SEPTIN7: variants seen among roughly 807,000 people sequenced by gnomAD.
SEPTIN7 encodes septin-7.
In SEPTIN7, 10 loss-of-function variants were observed where a neutral mutation model predicts 63.3. The observed-to-expected ratio is 0.16, with a 90% CI of 0.10 to 0.27. The LOEUF (loss-of-function observed/expected upper bound fraction) is 0.27, where lower values mean the gene tolerates loss of function less well. Ranked by LOEUF, SEPTIN7 falls within the 10% of genes least tolerant of loss-of-function variation. The pLI, the probability that SEPTIN7 is intolerant of heterozygous loss-of-function variation, is 1.00. For synonymous variants in SEPTIN7, 131 were observed against 165.3 expected, an observed-to-expected ratio of 0.79 and a Z score of 1.59; for missense variants, 310 against 521.0, an observed-to-expected ratio of 0.59 and a Z score of 3.94.
At chr7:35,881,313 G>A (rs1786863012) in intron 7 of SEPTIN7, among the ~76,000 whole-genome samples, 1 of 151,342 alleles carries the variant, frequency 6.6e-6, no homozygotes, top group South Asian at 2.1e-4. Flanking sequence ...GTTTCGATTT[G>A]GATTTTTACT....
chr7:35,890,571 T>A (rs902105743), intron 10 of SEPTIN7, 97 bp from the exon 11 acceptor site: 8 of 1,088,812 alleles, frequency 7.3e-6, no homozygotes, highest in Non-Finnish European at 9.6e-6. Context: ...TCTGAAATTT[T>A]TGTTTTGGTA....
chr7:35,884,194 G>A (rs1343887604), intron 9 of SEPTIN7, among the ~76,000 whole-genome samples: 1 of 152,106 alleles, frequency 6.6e-6, no homozygotes, highest in Admixed American at 6.6e-5. Context: ...TCAGGCAAGT[G>A]TGTGTTAAGT....
chr7:35,803,871 T>A (rs1204770972), intron 1 of SEPTIN7, among the ~76,000 whole-genome samples: 3 of 152,240 alleles, frequency 2.0e-5, no homozygotes, highest in African/African-American at 7.2e-5. Flanking sequence ...TACTGTTAAA[T>A]GTAGACCATT....
intron 5 of SEPTIN7, 134 bp downstream of exon 5, chr7:35,872,900 G>T (rs1786242430): frequency 1.6e-6 from 1 of 619,286 alleles, no homozygotes; most frequent in African/African-American, 1.8e-5. Flanking sequence ...ACTTGGGTTT[G>T]TATACCAACT....
intron 1 of SEPTIN7, among the ~76,000 whole-genome samples, chr7:35,826,432 C>T (rs1430550019): frequency 1.3e-5 from 2 of 150,374 alleles, no homozygotes; most frequent in African/African-American, 2.4e-5. Flanking sequence ...CAAAGGGAGG[C>T]AGATTGGAGT....
At chr7:35,815,171 C>G in intron 1 of SEPTIN7, 1 of 446,384 alleles carries the variant, frequency 2.2e-6, no homozygotes. Flanking sequence ...TCTAGTTCAT[C>G]TTGTATTTTT....
intron 8 of SEPTIN7, among the ~76,000 whole-genome samples, chr7:35,883,409 G>A: frequency 6.6e-6 from 1 of 152,240 alleles, no homozygotes; most frequent in South Asian, 2.1e-4. Flanking sequence ...GTGAAGGGCT[G>A]AACATGGATG....
At chr7:35,838,840 G>T (rs1784265259) in intron 3 of SEPTIN7, among the ~76,000 whole-genome samples, 1 of 152,110 alleles carries the variant, frequency 6.6e-6, no homozygotes, top group Non-Finnish European at 1.5e-5. Context: ...AAGTTGTGAG[G>T]CAGGAATCTG....
intron 3 of SEPTIN7, among the ~76,000 whole-genome samples, chr7:35,837,096 A>G (rs1325666237): frequency 1.3e-5 from 2 of 152,192 alleles, no homozygotes; most frequent in Admixed American, 1.3e-4. Context: ...AATTTTGTAC[A>G]TTCCTTCTAG....
At chr7:35,801,602 C>T (rs1460230495) in intron 1 of SEPTIN7, among the ~76,000 whole-genome samples, 1 of 152,152 alleles carries the variant, frequency 6.6e-6, no homozygotes, top group Non-Finnish European at 1.5e-5. Flanking sequence ...CCTTGCTTCT[C>T]TCCGTCCCTT....
At chr7:35,838,863 T>A (rs892198650) in intron 3 of SEPTIN7, among the ~76,000 whole-genome samples, 1 of 152,244 alleles carries the variant, frequency 6.6e-6, no homozygotes, top group African/African-American at 2.4e-5. Context: ...GTTTATTTTT[T>A]AAATGGTTGA....
intron 1 of SEPTIN7, among the ~76,000 whole-genome samples, chr7:35,813,527 C>T (rs1278307782): frequency 3.3e-5 from 5 of 152,154 alleles, no homozygotes; most frequent in Admixed American, 2.6e-4. Flanking sequence ...GCGTGTGCCA[C>T]CATGCCTGGC....
chr7:35,853,490 A>C (rs995179057), intron 3 of SEPTIN7, among the ~76,000 whole-genome samples: 2 of 152,164 alleles, frequency 1.3e-5, no homozygotes, highest in African/African-American at 2.4e-5. Flanking sequence ...GCCTGCTCAG[A>C]GTCTGGGAAG....
intron 3 of SEPTIN7, among the ~76,000 whole-genome samples, chr7:35,860,337 G>A (rs956108189): frequency 2.6e-5 from 4 of 151,930 alleles, no homozygotes; most frequent in African/African-American, 9.7e-5. Flanking sequence ...ATTTTTTAAT[G>A]CATTCGCCTT....
chr7:35,878,057 C>T (rs1047441178), intron 6 of SEPTIN7, among the ~76,000 whole-genome samples: 33 of 152,082 alleles, frequency 2.2e-4, no homozygotes, highest in Admixed American at 1.3e-3. Context: ...CTATTCTATG[C>T]GTATTGCTTG....
At chr7:35,832,151 A>G (rs1404611718) in intron 2 of SEPTIN7, 4 of 452,878 alleles carry the variant, frequency 8.8e-6, no homozygotes, top group South Asian at 4.7e-5. Flanking sequence ...AAATGAAGTT[A>G]TAAGTTACTT....
chr7:35,836,065 G>A (rs1784073346), intron 3 of SEPTIN7, among the ~76,000 whole-genome samples: 1 of 152,116 alleles, frequency 6.6e-6, no homozygotes. Context: ...AAGCTGGAAA[G>A]GTAGACTAGC....
chr7:35,871,664 A>G (rs1786158838), intron 4 of SEPTIN7, among the ~76,000 whole-genome samples: 1 of 152,222 alleles, frequency 6.6e-6, no homozygotes. Flanking sequence ...AAACATGCCA[A>G]AAGGAAGTAG....
At chr7:35,849,434 A>G (rs1305412537) in intron 3 of SEPTIN7, among the ~76,000 whole-genome samples, 1 of 151,940 alleles carries the variant, frequency 6.6e-6, no homozygotes, top group Non-Finnish European at 1.5e-5. Flanking sequence ...TTCCTTTGAG[A>G]ATCTGATGCT....
Sources: allele counts gnomAD v4.1 joint callset (sites outside exome capture counted in the v4.1 genomes callset), GRCh38; gene constraint gnomAD v4.1.1; transcripts MANE v1.5; gene names NCBI Gene and HGNC (gene_info 2026-07-23, HGNC 2026-07-21).